CSMD3: variants seen among roughly 807,000 people sequenced by gnomAD.
CSMD3 encodes CUB and Sushi multiple domains 3, also known as CUB and sushi domain-containing protein 3.
Under a neutral mutation model 435.2 loss-of-function variants are expected in CSMD3, and 177 were observed. That is an observed-to-expected ratio of 0.41 (90% confidence interval 0.36 to 0.46). The LOEUF (loss-of-function observed/expected upper bound fraction) is 0.46, where lower values mean the gene tolerates loss of function less well. Ranked by LOEUF, CSMD3 falls within the 20% of genes least tolerant of loss-of-function variation. The pLI, the probability that CSMD3 is intolerant of heterozygous loss-of-function variation, is 0.34. For missense variants in CSMD3, 4,265 were observed against 4,504.6 expected (o/e 0.95, Z 1.52); for synonymous variants, 1,656 against 1,520.5 (o/e 1.09, Z -2.07).
intron 1 of CSMD3, among the ~76,000 whole-genome samples, chr8:113,375,454 A>G (rs1299554395): frequency 6.6e-6 from 1 of 151,950 alleles, no homozygotes; most frequent in East Asian, 1.9e-4. Flanking sequence ...GAGTAGGCAA[A>G]GTTCAGAGGC....
intron 3 of CSMD3, among the ~76,000 whole-genome samples, chr8:113,262,198 G>A (rs990718374): frequency 6.6e-6 from 1 of 151,794 alleles, no homozygotes; most frequent in Non-Finnish European, 1.5e-5. Context: ...ACCTATAAGA[G>A]GAAGTACAAA....
At chr8:113,101,697 G>A (rs2090334904) in intron 4 of CSMD3, among the ~76,000 whole-genome samples, 1 of 151,966 alleles carries the variant, frequency 6.6e-6, no homozygotes, top group Admixed American at 6.6e-5. Context: ...AACAAGGATA[G>A]GGACTCAGTT....
chr8:113,195,123 T>A (rs2092635880), intron 3 of CSMD3, among the ~76,000 whole-genome samples: 1 of 151,178 alleles, frequency 6.6e-6, no homozygotes, highest in Non-Finnish European at 1.5e-5. Flanking sequence ...ATATTATATC[T>A]GCAAAAGCAA....
chr8:113,218,732 A>C (rs2092934237), intron 3 of CSMD3, among the ~76,000 whole-genome samples: 1 of 151,328 alleles, frequency 6.6e-6, no homozygotes, highest in Non-Finnish European at 1.5e-5. Context: ...ATTTAACATA[A>C]CATGCATTAC....
At chr8:112,550,245 A>G (rs1827558216) in intron 27 of CSMD3, among the ~76,000 whole-genome samples, 1 of 152,038 alleles carries the variant, frequency 6.6e-6, no homozygotes, top group South Asian at 2.1e-4. Context: ...TACATAATTA[A>G]GATATTTAGA....
At chr8:112,936,253 TCTC>T (rs1202491701) in intron 9 of CSMD3, among the ~76,000 whole-genome samples, 6 of 152,022 alleles carry the variant, frequency 3.9e-5, no homozygotes, top group Admixed American at 2.6e-4. Context: ...GGACATCTCT[TCTC>T]CTTGTGTCTC....
chr8:113,388,491 AC>A (rs1038472278), intron 1 of CSMD3, among the ~76,000 whole-genome samples: 1 of 151,556 alleles, frequency 6.6e-6, no homozygotes, highest in Non-Finnish European at 1.5e-5. Context: ...GTTATTTAGT[AC>A]CTTTTTTAGC....
At chr8:112,665,697 G>GT (rs1392362515) in intron 17 of CSMD3, among the ~76,000 whole-genome samples, 23 of 152,054 alleles carry the variant, frequency 1.5e-4, no homozygotes, top group Admixed American at 1.4e-3. Context: ...ATTCAATAAC[G>GT]TAAGAGAAGT....
rs2085165449 is a variant in CSMD3 at position 112,984,263 on chromosome 8, C to G, written c.1031-8115G>C. On this transcript the variant is annotated intron_variant, in intron 6 of 70. Transcript: ENST00000297405. ...GATTATTATGCTAATTTCCTTTACA[C>G]AAATACCTTTCATTTAGAGAATATA... 5.9e-5 allele frequency among the ~76,000 whole-genome samples: 9 copies of G among 151,856 alleles called. No homozygotes were observed. The South Asian group carries it at 1.9e-3, about 32-fold the overall frequency.
intron 40 of CSMD3, among the ~76,000 whole-genome samples, chr8:112,350,102 G>T (rs1407344272): frequency 3.9e-5 from 6 of 151,958 alleles, no homozygotes; most frequent in Admixed American, 2.0e-4. Context: ...GCCCTTAGAA[G>T]ATACCAATCT....
chr8:113,202,455 T>C (rs1160524735), intron 3 of CSMD3, among the ~76,000 whole-genome samples: 1 of 152,110 alleles, frequency 6.6e-6, no homozygotes. Context: ...AATTACTTGA[T>C]TAGGCCTCCA....
At position 113,118,300 on chromosome 8, in the gene CSMD3, A is replaced by G. The variant is rs73342236; in HGVS notation, c.710-19337T>C. Among the ~76,000 whole-genome samples, 542 of 152,320 alleles carry G rather than the reference A, an allele frequency of 3.6e-3. 3 individuals carry two copies. The highest frequency in any genetic ancestry group is 0.012 in the African/African-American group (506 of 41,564). ...TGAGGCTGACTTATGGCATATATCT[A>G]AAGAATAGCTTATCTGATTAAATAT... is the stretch of plus-strand genomic sequence containing the variant. On this transcript the variant is annotated intron_variant, in intron 4 of 70. Transcript: ENST00000297405.
At chr8:112,978,926 A>G (rs2084948528) in intron 6 of CSMD3, among the ~76,000 whole-genome samples, 1 of 151,980 alleles carries the variant, frequency 6.6e-6, no homozygotes, top group African/African-American at 2.4e-5. Flanking sequence ...GGACTAAAAT[A>G]ATATTAGCAA....
chr8:112,914,752 C>G (rs114513988), intron 10 of CSMD3, among the ~76,000 whole-genome samples: 2,123 of 151,708 alleles, frequency 0.014, 53 homozygotes, highest in African/African-American at 0.049. Flanking sequence ...TTTCACTTTG[C>G]GTGGTACAAT....
intron 32 of CSMD3, among the ~76,000 whole-genome samples, chr8:112,458,990 A>T (rs1817149394): frequency 6.6e-6 from 1 of 151,972 alleles, no homozygotes; most frequent in African/African-American, 2.4e-5. Context: ...ACTCATCCCT[A>T]CTATCTTCTA....
intron 5 of CSMD3, among the ~76,000 whole-genome samples, chr8:113,052,279 G>A (rs2088129704): frequency 6.6e-6 from 1 of 152,120 alleles, no homozygotes. Context: ...GTTAAATTAA[G>A]GGTAACATTT....
intron 6 of CSMD3, among the ~76,000 whole-genome samples, 190 bp from the exon 7 acceptor site, chr8:112,976,338 A>C (rs567104291): frequency 6.6e-6 from 1 of 152,110 alleles, no homozygotes; most frequent in Admixed American, 6.6e-5. Flanking sequence ...CAACCATCCT[A>C]TGGATAGATA....
At chr8:112,544,003 G>A (rs1157656450) in intron 27 of CSMD3, among the ~76,000 whole-genome samples, 4 of 152,108 alleles carry the variant, frequency 2.6e-5, no homozygotes, top group Admixed American at 6.6e-5. Context: ...TCACTTATAT[G>A]AGGTATCTAA....
chr8:112,542,601 C>T (rs895511357), intron 27 of CSMD3, among the ~76,000 whole-genome samples: 1 of 151,620 alleles, frequency 6.6e-6, no homozygotes, highest in Non-Finnish European at 1.5e-5. Context: ...AATAATTTAA[C>T]TAAGGAGGTG....
Sources: gnomAD v4.1 joint callset for allele counts (sites outside exome capture counted in the v4.1 genomes callset) on GRCh38, gnomAD v4.1.1 for gene constraint, MANE v1.5 for transcripts, NCBI Gene and HGNC (gene_info 2026-07-23, HGNC 2026-07-21) for gene names.